Variants in WDFY2 observed in about 807,000 individuals in gnomAD.
WDFY2 encodes the protein WD repeat and FYVE domain-containing protein 2.
WDFY2 carries 36 observed loss-of-function variants against 56.4 expected under a neutral mutation model. The ratio of observed to expected loss-of-function variants is 0.64; its 90% confidence interval spans 0.49 to 0.84. The LOEUF is 0.84. Ranked by LOEUF, WDFY2 falls within the 40% of genes least tolerant of loss-of-function variation. The probability of loss-of-function intolerance (pLI) is 0.00; values close to 1 mark genes in which losing one functional copy is unlikely to be tolerated. For synonymous variants in WDFY2, 176 were observed against 183.7 expected, an observed-to-expected ratio of 0.96 and a Z score of 0.34; for missense variants, 444 against 512.2, an observed-to-expected ratio of 0.87 and a Z score of 1.29.
chr13:51,596,399 T>G (rs1954147781), intron 1 of WDFY2, among the ~76,000 whole-genome samples: 1 of 152,232 alleles, frequency 6.6e-6, no homozygotes, highest in Non-Finnish European at 1.5e-5. Context: ...TTGGGAAATT[T>G]CTGTCACATC....
chr13:51,710,087 C>A (rs749806201), intron 4 of WDFY2, among the ~76,000 whole-genome samples: 8 of 152,180 alleles, frequency 5.3e-5, no homozygotes, highest in African/African-American at 1.9e-4. Context: ...AGCTTATCCA[C>A]CACGATCAAG....
intron 2 of WDFY2, among the ~76,000 whole-genome samples, chr13:51,672,745 T>C (rs2138495588): frequency 1.3e-5 from 2 of 152,364 alleles, no homozygotes; most frequent in Middle Eastern, 3.4e-3. Flanking sequence ...TAGTTTTCTT[T>C]GTAGAGGTCT....
At chr13:51,744,820 G>GTATC (rs1456254079) in intron 7 of WDFY2, among the ~76,000 whole-genome samples, 1 of 152,174 alleles carries the variant, frequency 6.6e-6, no homozygotes, top group African/African-American at 2.4e-5. Context: ...ATGTTAGAAG[G>GTATC]TATCTGTTCA....
At chr13:51,652,728 T>C (rs1287209724) in intron 1 of WDFY2, among the ~76,000 whole-genome samples, 3 of 152,226 alleles carry the variant, frequency 2.0e-5, no homozygotes, top group Non-Finnish European at 4.4e-5. Context: ...TGTTGAATAT[T>C]GGCCCCCACT....
chr13:51,682,577 C>G lies in WDFY2; in HGVS notation c.279+7334C>G, dbSNP rs187363519. On this transcript the variant is annotated intron_variant, in intron 3 of 11. Transcript: ENST00000298125. ...CCTGGTATCAGACTGCCTCTACCCC[C>G]CTCAAGTTGTGTCACATTGGGCAAG... 4.6e-5 allele frequency among the ~76,000 whole-genome samples: 7 copies of G among 152,278 alleles called. No individual in the cohort carries two copies. In the East Asian group the frequency reaches 1.2e-3, roughly 25 times the overall value.
At chr13:51,628,596 G>A (rs945084581) in intron 1 of WDFY2, among the ~76,000 whole-genome samples, 4 of 152,136 alleles carry the variant, frequency 2.6e-5, no homozygotes, top group Non-Finnish European at 5.9e-5. Context: ...CTCACAGAGC[G>A]AGTATCCCTA....
intron 1 of WDFY2, among the ~76,000 whole-genome samples, chr13:51,600,734 CAGAA>C (rs1414245291): frequency 1.2e-4 from 18 of 152,028 alleles, no homozygotes; most frequent in Admixed American, 6.6e-5. Flanking sequence ...GGGCATGTCT[CAGAA>C]AGAGAAGAAA....
intron 6 of WDFY2, among the ~76,000 whole-genome samples, chr13:51,729,525 C>T (rs1952677667): frequency 6.6e-6 from 1 of 150,942 alleles, no homozygotes. Flanking sequence ...AGCTGCCTTC[C>T]TCCAGCCCAT....
intron 1 of WDFY2, among the ~76,000 whole-genome samples, chr13:51,627,223 C>T (rs1464224452): frequency 6.6e-6 from 1 of 152,198 alleles, no homozygotes; most frequent in East Asian, 1.9e-4. Flanking sequence ...TGGGGAGCTC[C>T]TTGCTCTGGG....
At chr13:51,657,467 A>G (rs1270307489) in intron 1 of WDFY2, among the ~76,000 whole-genome samples, 4 of 152,140 alleles carry the variant, frequency 2.6e-5, no homozygotes, top group Non-Finnish European at 5.9e-5. Flanking sequence ...AAGATCTACT[A>G]GTAATGAATT....
At chr13:51,625,108 C>T (rs1954815533) in intron 1 of WDFY2, among the ~76,000 whole-genome samples, 1 of 152,100 alleles carries the variant, frequency 6.6e-6, no homozygotes, top group African/African-American at 2.4e-5. Flanking sequence ...TGGGTGAGGC[C>T]AGAGGCTGGA....
chr13:51,612,364 A>G (rs781158815), intron 1 of WDFY2, among the ~76,000 whole-genome samples: 27 of 152,252 alleles, frequency 1.8e-4, no homozygotes, highest in Non-Finnish European at 3.4e-4. Context: ...TACCTATGAC[A>G]GATACTGCTT....
At chr13:51,681,382 G>C (rs1461661789) in intron 3 of WDFY2, among the ~76,000 whole-genome samples, 2 of 152,144 alleles carry the variant, frequency 1.3e-5, no homozygotes, top group Non-Finnish European at 2.9e-5. Context: ...TATCATGTGG[G>C]CATAGAAGGT....
chr13:51,653,881 C>T (rs1007985937), intron 1 of WDFY2, among the ~76,000 whole-genome samples: 3 of 152,144 alleles, frequency 2.0e-5, no homozygotes, highest in African/African-American at 4.8e-5. Flanking sequence ...GCAGTCTGTC[C>T]GTTCTCAGAT....
At chr13:51,659,408 G>A (rs942354676) in intron 1 of WDFY2, among the ~76,000 whole-genome samples, 5 of 152,216 alleles carry the variant, frequency 3.3e-5, no homozygotes, top group African/African-American at 1.2e-4. Flanking sequence ...GCTTAAGAGT[G>A]TGGGGTGAGG....
At chr13:51,666,457 C>G (rs1390925040) in intron 2 of WDFY2, among the ~76,000 whole-genome samples, 5 of 152,188 alleles carry the variant, frequency 3.3e-5, no homozygotes, top group Non-Finnish European at 7.3e-5. Context: ...CTGGTGTGGT[C>G]TAAATGGATT....
Position 51,602,241 on chromosome 13 carries a change from C to A in WDFY2, c.137+17417C>A, listed in dbSNP as rs538365129. ...TAATGGAGCTGAAAAATTCCTATTG[C>A]CTAGTGACATTGTAGCCATCTTAAC... On this transcript the variant is annotated intron_variant, in intron 1 of 11. Transcript: ENST00000298125. 2.6e-5 allele frequency among the ~76,000 whole-genome samples: 4 copies of A among 152,272 alleles called. No homozygotes were observed. The South Asian group carries it at 8.3e-4, about 32-fold the overall frequency.
At chr13:51,752,994 G>A (rs192711589) in intron 8 of WDFY2, 15 of 152,326 alleles carry the variant, frequency 9.8e-5, no homozygotes, top group Admixed American at 2.6e-4. Flanking sequence ...CTTGTAGGAG[G>A]AAACTTCAGA....
intron 6 of WDFY2, among the ~76,000 whole-genome samples, chr13:51,736,144 G>A (rs1178984554): frequency 6.6e-6 from 1 of 152,182 alleles, no homozygotes; most frequent in Non-Finnish European, 1.5e-5. Context: ...GAGGTCTCCT[G>A]TACTGTAATC....
Sources: allele counts gnomAD v4.1 joint callset (sites outside exome capture counted in the v4.1 genomes callset), GRCh38; gene constraint gnomAD v4.1.1; transcripts MANE v1.5; gene names NCBI Gene and HGNC (gene_info 2026-07-23, HGNC 2026-07-21).